FAF1: variants seen among roughly 807,000 people sequenced by gnomAD.
The protein encoded by FAF1 is Fas associated factor 1.
A neutral mutation model predicts 92.5 loss-of-function variants in FAF1; 25 were observed. The ratio of observed to expected loss-of-function variants is 0.27; its 90% CI spans 0.20 to 0.38. The LOEUF is 0.38. Ranked by LOEUF, FAF1 falls within the 10% of genes least tolerant of loss-of-function variation. FAF1 has a pLI of 1.00. For synonymous variants in FAF1, 234 were observed against 273.2 expected, an observed-to-expected ratio of 0.86 and a Z score of 1.42; for missense variants, 636 against 793.3, an observed-to-expected ratio of 0.80 and a Z score of 2.38.
intron 16 of FAF1, 92 bp downstream of exon 16, chr1:50,491,629 C>G (rs1006801648): frequency 4.8e-5 from 40 of 837,106 alleles, no homozygotes; most frequent in Non-Finnish European, 7.4e-5. Flanking sequence ...CTATTGCAAA[C>G]CCAGTATTTT....
Position 50,579,545 on chromosome 1 carries a change from A to G in FAF1, c.1113+3073T>C, listed in dbSNP as rs2149064254. Among the ~76,000 whole-genome samples the G allele has an allele frequency of 1.3e-5, 2 of 152,300 alleles. 1 individual carries two copies. Among genetic ancestry groups the G allele is most frequent in the South Asian group, 4.1e-4 (2 of 4,830 alleles). On this transcript the variant is annotated intron_variant, in intron 12 of 18. Transcript: ENST00000396153. ...TTAAATATAACAACATGGCCATACAATGAGACTCCATAACCATTAAAAATC... is the reference window on the plus strand; with the variant it reads ...TTAAATATAACAACATGGCCATACAGTGAGACTCCATAACCATTAAAAATC...
chr1:50,467,387 C>T (rs1222742076), intron 18 of FAF1, among the ~76,000 whole-genome samples: 1 of 152,196 alleles, frequency 6.6e-6, no homozygotes, highest in African/African-American at 2.4e-5. Context: ...AATCTCGGCT[C>T]ACTGCAACCT....
intron 1 of FAF1, among the ~76,000 whole-genome samples, chr1:50,861,535 C>G (rs1020827138): frequency 2.0e-5 from 3 of 151,686 alleles, no homozygotes; most frequent in Admixed American, 1.3e-4. Context: ...ATGACAGACA[C>G]TGGAGACTCC....
chr1:50,810,243 G>A (rs768870103), intron 2 of FAF1, among the ~76,000 whole-genome samples: 2 of 152,004 alleles, frequency 1.3e-5, no homozygotes, highest in African/African-American at 2.4e-5. Context: ...CAACAAGAGC[G>A]AGACTCTGTC....
chr1:50,790,436 G>A (rs987833791), intron 3 of FAF1, among the ~76,000 whole-genome samples: 17 of 152,078 alleles, frequency 1.1e-4, no homozygotes, highest in Non-Finnish European at 2.2e-4. Flanking sequence ...CACCGCACCC[G>A]GCTTTATTTG....
At chr1:50,881,857 T>C (rs1644615179) in intron 1 of FAF1, among the ~76,000 whole-genome samples, 1 of 152,220 alleles carries the variant, frequency 6.6e-6, no homozygotes, top group Non-Finnish European at 1.5e-5. Flanking sequence ...AAAGTGCATT[T>C]ATGAGAAGGC....
At chr1:50,822,734 T>A (rs1185243848) in intron 2 of FAF1, among the ~76,000 whole-genome samples, 2 of 150,906 alleles carry the variant, frequency 1.3e-5, no homozygotes, top group African/African-American at 2.5e-5. Context: ...GGCTAGTAGT[T>A]TTTTTGGTGT....
chr1:50,573,832 C>A (rs201466386), intron 12 of FAF1, among the ~76,000 whole-genome samples: 279 of 123,820 alleles, frequency 2.3e-3, no homozygotes, highest in East Asian at 4.2e-3. Context: ...AAAAAAAAAA[C>A]AAAACAAAGC....
chr1:50,495,757 T>A (rs1447159951), intron 15 of FAF1, among the ~76,000 whole-genome samples: 2 of 152,132 alleles, frequency 1.3e-5, no homozygotes, highest in East Asian at 3.9e-4. Context: ...TTTCTCCACA[T>A]CCTCTCCAGC....
chr1:50,768,566 A>T (rs1660664901), intron 4 of FAF1, among the ~76,000 whole-genome samples: 1 of 152,174 alleles, frequency 6.6e-6, no homozygotes, highest in Admixed American at 6.5e-5. Context: ...TTAAAAAAAA[A>T]TAAAAACAAT....
chr1:50,585,153 A>T (rs1364118065), intron 9 of FAF1, among the ~76,000 whole-genome samples: 1 of 152,210 alleles, frequency 6.6e-6, no homozygotes, highest in Non-Finnish European at 1.5e-5. Context: ...AGACAAAGTA[A>T]GTTATGCGTC....
intron 1 of FAF1, among the ~76,000 whole-genome samples, chr1:50,924,077 C>T (rs1644986069): frequency 6.6e-6 from 1 of 152,064 alleles, no homozygotes; most frequent in African/African-American, 2.4e-5. Context: ...AGCAACCAGA[C>T]AAGAGGAAGA....
intron 17 of FAF1, among the ~76,000 whole-genome samples, chr1:50,483,356 A>AT (rs967147994): frequency 5.3e-5 from 8 of 150,752 alleles, no homozygotes; most frequent in Admixed American, 1.3e-4. Context: ...TCATGGGTCC[A>AT]TTTTTTTTTG....
chr1:50,888,801 T>C (rs1644692588), intron 1 of FAF1, among the ~76,000 whole-genome samples: 1 of 152,198 alleles, frequency 6.6e-6, no homozygotes. Flanking sequence ...TTGATGTTCA[T>C]CAGGGATATT....
At chr1:50,634,507 AGT>A (rs1165978105) in intron 8 of FAF1, among the ~76,000 whole-genome samples, 1 of 152,240 alleles carries the variant, frequency 6.6e-6, no homozygotes, top group African/African-American at 2.4e-5. Context: ...CCAGAGATTA[AGT>A]AGTGCACATA....
chr1:50,708,270 G>C (rs985064415), intron 6 of FAF1, among the ~76,000 whole-genome samples: 2 of 152,196 alleles, frequency 1.3e-5, no homozygotes, highest in African/African-American at 4.8e-5. Flanking sequence ...TTGGACTAAG[G>C]TGGTAGAGGC....
At chr1:50,462,199 T>G (rs556404825) in intron 18 of FAF1, 2 of 152,138 alleles carry the variant, frequency 1.3e-5, no homozygotes, top group African/African-American at 4.8e-5. Flanking sequence ...TAGGAACTCA[T>G]AGCCCTGAGC....
chr1:50,519,795 A>C (rs1647409884), intron 15 of FAF1, among the ~76,000 whole-genome samples: 1 of 152,168 alleles, frequency 6.6e-6, no homozygotes, highest in African/African-American at 2.4e-5. Context: ...CTTCTAGAAG[A>C]TACTTCTCCA....
At chr1:50,691,817 G>C (rs1418242209) in intron 7 of FAF1, among the ~76,000 whole-genome samples, 2 of 152,150 alleles carry the variant, frequency 1.3e-5, no homozygotes, top group Admixed American at 1.3e-4. Context: ...CATCGTGCCT[G>C]GCCATTTTTC....
Sources: allele counts gnomAD v4.1 joint callset (sites outside exome capture counted in the v4.1 genomes callset), GRCh38; gene constraint gnomAD v4.1.1; transcripts MANE v1.5; gene names NCBI Gene and HGNC (gene_info 2026-07-23, HGNC 2026-07-21).